The following HPS3 variants were observed in gnomAD, a reference collection of about 807,000 sequenced individuals.
HPS3 encodes the protein HPS3 biogenesis of lysosomal organelles complex 2 subunit 1, also known as BLOC-2 complex member HPS3.
HPS3 carries 79 observed loss-of-function variants against 110.9 expected under a neutral mutation model. The observed-to-expected ratio is 0.71, with a 90% confidence interval of 0.59 to 0.86. The LOEUF is 0.86. HPS3 is among the 40% of genes least tolerant of loss of function. HPS3 has a pLI of 0.00. For synonymous variants in HPS3, 428 were observed against 451.0 expected (o/e 0.95, Z 0.65); for missense variants, 1,197 against 1,206.2 (o/e 0.99, Z 0.11).
rs775608316 is a variant in HPS3, at chr3:149,141,123, A to G, written c.819A>G (p.Thr273=). ...GTGAACAGTCTGGATTATCTGTTACACTGGAGTCTACGGGATTAGCTGATG... is the reference window on the plus strand; with the variant it reads ...GTGAACAGTCTGGATTATCTGTTACGCTGGAGTCTACGGGATTAGCTGATG... The part of the protein sequence containing the change: ...EKSEQSGLSV[T]LESTGLADEK... The change falls in exon 3 of 17, where the codon ACA becomes ACG. Residue 273 remains threonine (T), a synonymous_variant. Transcript: ENST00000296051. 26 of 1,613,614 alleles carry G rather than the reference A, an allele frequency of 1.6e-5. No homozygotes were observed. The highest frequency in any genetic ancestry group is 1.1e-5 in the South Asian group (1 of 91,060).
Position 149,162,320 on chromosome 3 carries a change from A to G in HPS3, c.2279A>G (p.Asp760Gly), listed in dbSNP as rs201624572. 6.2e-7 allele frequency: 1 copy of G among 1,613,966 alleles called. No homozygotes were observed. Among genetic ancestry groups the G allele is most frequent in the Non-Finnish European group, 8.5e-7 (1 of 1,179,894 alleles). The change falls in exon 12 of 17, where the codon GAT (aspartate) becomes GGT (glycine). Residue 760 changes from aspartate to glycine, a missense_variant. Asp to Gly is a moderately conservative substitution (Grantham distance 94). Coordinates refer to ENST00000296051, the MANE Select transcript of HPS3 (RefSeq NM_032383.5). Reference protein sequence around the residue: ...KNNKIGIEEADSFFKVLCAKD... With the variant: ...KNNKIGIEEAGSFFKVLCAKD... ...AACAAAATTGGAATTGAAGAAGCAGATTCCTTTTTTAAGGTTTGTCACTTT... is the reference window on the plus strand; with the variant it reads ...AACAAAATTGGAATTGAAGAAGCAGGTTCCTTTTTTAAGGTTTGTCACTTT...
Position 149,150,686 on chromosome 3 carries a change from A to T in HPS3, c.1245+6A>T, listed in dbSNP as rs1320954791. 1 of 1,609,152 alleles carries T rather than the reference A, an allele frequency of 6.2e-7. No individual in the cohort carries two copies. The highest frequency in any genetic ancestry group is 1.7e-5 in the Admixed American group (1 of 60,000). On this transcript the variant is annotated splice_donor_region_variant and intron_variant, in intron 6 of 16. Coordinates refer to ENST00000296051, the MANE Select transcript of HPS3 (RefSeq NM_032383.5). The stretch of plus-strand genomic sequence containing the variant: ...ACATGGACACCACCCTGAAGGTAAG[A>T]ACTGGCTTATGAAGATAGTGAAACC...
Position 149,162,385 on chromosome 3 carries a change from G to T in HPS3, c.2292+52G>T, listed in dbSNP as rs1723950866. ...TCTGGATGGCCTCATTAAATTGGTG[G>T]TGGGGAGGGACAGAATAAGAGAAGT... On this transcript the variant is annotated intron_variant, in intron 12 of 16. Coordinates refer to ENST00000296051, the MANE Select transcript of HPS3 (RefSeq NM_032383.5). The T allele has an allele frequency of 3.3e-6, 5 of 1,498,046 alleles. No individual in the cohort carries two copies. The East Asian group carries it at 1.1e-4, about 34-fold the overall frequency. The allele number at this position is 1,498,046 out of a possible 1,614,324, so 92.8% of individuals were successfully genotyped here.
intron 16 of HPS3, among the ~76,000 whole-genome samples, chr3:149,171,138 C>T (rs1000478093): frequency 3.3e-5 from 5 of 152,120 alleles, no homozygotes; most frequent in South Asian, 2.1e-4. Flanking sequence ...ATTAGCTGGA[C>T]GTGGTGGTGC....
chr3:149,162,786 G>A lies in HPS3; in HGVS notation c.2389G>A (p.Glu797Lys). 4 of 1,614,006 alleles carry A rather than the reference G, an allele frequency of 2.5e-6. No individual in the cohort carries two copies. The highest frequency in any genetic ancestry group is 3.4e-6 in the Non-Finnish European group (4 of 1,179,950). ...VACLPDVVLQ[E>K]LFFKLTSQYI... ...ATGTCTCCCAGATGTGGTACTTCAG[G>A]AACTCTTTTTCAAACTCACATCACA... Residue 797 changes from glutamate (E) to lysine (K), a missense_variant, in exon 13 of 17, where the codon GAA becomes AAA. Glu to Lys is a moderately conservative substitution (Grantham distance 56). Coordinates refer to ENST00000296051, the MANE Select transcript of HPS3 (RefSeq NM_032383.5).
At chr3:149,156,816 G>A (rs951664128) in intron 8 of HPS3, among the ~76,000 whole-genome samples, 8 of 151,972 alleles carry the variant, frequency 5.3e-5, no homozygotes, top group South Asian at 2.1e-4. Context: ...GAAAGTCTTC[G>A]TTTAGGTGAT....
intron 1 of HPS3, among the ~76,000 whole-genome samples, chr3:149,137,064 C>T (rs1431060675): frequency 6.6e-6 from 1 of 152,010 alleles, no homozygotes; most frequent in Non-Finnish European, 1.5e-5. Context: ...ATTTCCGAAT[C>T]ATATATCTCA....
At chr3:149,132,488 C>T (rs1721837199) in intron 1 of HPS3, among the ~76,000 whole-genome samples, 2 of 152,234 alleles carry the variant, frequency 1.3e-5, no homozygotes, top group Admixed American at 6.5e-5. Context: ...TTTAAGCCCA[C>T]TGTTTTGATC....
chr3:149,135,922 G>A (rs1722065011), intron 1 of HPS3, among the ~76,000 whole-genome samples: 2 of 152,072 alleles, frequency 1.3e-5, no homozygotes, highest in South Asian at 4.1e-4. Context: ...AACATATTTA[G>A]ATGCCTTATA....
chr3:149,140,074 T>C lies in HPS3; in HGVS notation c.288T>C (p.Asn96=), dbSNP rs767078765. Residue 96 remains asparagine, a synonymous_variant, in exon 2 of 17, where the codon AAT becomes AAC. Transcript: ENST00000296051. ...TFLRAYVNWR[N]KRTENSRVCI... ...TACGTGCTTATGTGAACTGGAGAAA[T>C]AAAAGGACTGAAAACTCTCGTGTGT... The C allele has an allele frequency of 1.2e-5, 20 of 1,612,662 alleles. No individual in the cohort carries two copies. The highest frequency in any genetic ancestry group is 1.4e-5 in the Non-Finnish European group (17 of 1,179,604).
Position 149,129,908 on chromosome 3 carries a change from G to GC in HPS3, c.187dup (p.Arg63ProfsTer18). On this transcript the variant is annotated frameshift_variant, in exon 1 of 17. Coordinates refer to ENST00000296051, the MANE Select transcript of HPS3 (RefSeq NM_032383.5). LOFTEE classifies it high-confidence loss of function. The stretch of plus-strand genomic sequence containing the variant: ...CCGCGGTGCGCCTTCTCCACGCTGG[G>GC]CCGGGTGTTGCGCCTGGCCTACAGC... 6.4e-7 allele frequency: 1 copy of GC among 1,568,112 alleles called. No individual in the cohort carries two copies. Among genetic ancestry groups the GC allele is most frequent in the Non-Finnish European group, 8.6e-7 (1 of 1,163,638 alleles).
Position 149,158,803 on chromosome 3 carries a change from T to C in HPS3, c.1829T>C (p.Ile610Thr), listed in dbSNP as rs751644652. ...QKYERGLIFYINHSLYENLDE... is the reference protein window; with the variant it reads ...QKYERGLIFYTNHSLYENLDE... Reference sequence around the variant, plus strand: ...TACGAGAGAGGATTAATCTTTTACATTAATCATTCACTTTATGAAAACCTG... The same window carrying C: ...TACGAGAGAGGATTAATCTTTTACACTAATCATTCACTTTATGAAAACCTG... Residue 610 changes from isoleucine to threonine, a missense_variant, in exon 10 of 17, where the codon ATT becomes ACT. Coordinates refer to ENST00000296051, the MANE Select transcript of HPS3 (RefSeq NM_032383.5). 1 of 1,607,224 alleles carries C rather than the reference T, an allele frequency of 6.2e-7. No individual in the cohort carries two copies. Among genetic ancestry groups the C allele is most frequent in the Non-Finnish European group, 8.5e-7 (1 of 1,173,804 alleles).
At position 149,162,317 on chromosome 3, in the gene HPS3, C is replaced by T. The variant is rs1379332815; in HGVS notation, c.2276C>T (p.Ala759Val). 1 of 1,613,894 alleles carries T rather than the reference C, an allele frequency of 6.2e-7. No homozygotes were observed. Among genetic ancestry groups the T allele is most frequent in the Non-Finnish European group, 8.5e-7 (1 of 1,179,854 alleles). Residue 759 changes from alanine (A) to valine (V), a missense_variant, in exon 12 of 17, where the codon GCA (alanine) becomes GTA (valine). Transcript: ENST00000296051. ...AACAACAAAATTGGAATTGAAGAAG[C>T]AGATTCCTTTTTTAAGGTTTGTCAC... ...QKNNKIGIEE[A>V]DSFFKVLCAK...
chr3:149,133,283 T>TA (rs2108117796), intron 1 of HPS3, among the ~76,000 whole-genome samples: 1 of 152,118 alleles, frequency 6.6e-6, no homozygotes, highest in Non-Finnish European at 1.5e-5. Context: ...ATTGTTTTAT[T>TA]TTTTTATTTT....
intron 7 of HPS3, 88 bp downstream of exon 7, chr3:149,153,736 T>TTCCAAGTTATGATTTG: frequency 7.4e-7 from 1 of 1,345,254 alleles, no homozygotes; most frequent in Non-Finnish European, 1.1e-6. Context: ...TTTCAAATCA[T>TTCCAAGTTATGATTTG]AACTTGGAAT....
At chr3:149,161,891 A>G (rs1308177771) in intron 11 of HPS3, among the ~76,000 whole-genome samples, 1 of 152,202 alleles carries the variant, frequency 6.6e-6, no homozygotes, top group Non-Finnish European at 1.5e-5. Context: ...GCATTTTCAA[A>G]TCAAGTAGAC....
At chr3:149,131,135 A>C (rs78340283) in intron 1 of HPS3, among the ~76,000 whole-genome samples, 24,929 of 93,418 alleles carry the variant, frequency 0.27, 2,366 homozygotes, top group African/African-American at 0.31. Context: ...AAAAAAAAAA[A>C]AAAAACAAAA....
rs368655158 is a variant in HPS3, at chr3:149,172,002, G to T, written c.2888-93G>T. ...TTACAGGCGTGAGCCACCACGCCTG[G>T]CCTGAACTGGCTTCTAATTGGTTGG... is the stretch of plus-strand genomic sequence containing the variant. On this transcript the variant is annotated intron_variant, in intron 16 of 16. Coordinates refer to ENST00000296051, the MANE Select transcript of HPS3 (RefSeq NM_032383.5). The T allele has an allele frequency of 2.6e-5, 34 of 1,300,194 alleles. 1 individual carries two copies. In the African/African-American group the frequency reaches 4.5e-4, roughly 17 times the overall value. The allele number at this position is 1,300,194 out of a possible 1,614,324, so 80.5% of individuals were successfully genotyped here.
chr3:149,153,377 G>A, intron 6 of HPS3, 117 bp from the exon 7 acceptor site: 1 of 848,466 alleles, frequency 1.2e-6, no homozygotes, highest in Admixed American at 2.1e-5. Context: ...TTTTGGTGGT[G>A]GTGGGTATGG....
Sources: allele counts gnomAD v4.1 joint callset (sites outside exome capture counted in the v4.1 genomes callset), GRCh38; gene constraint gnomAD v4.1.1; transcripts MANE v1.5; gene names NCBI Gene and HGNC (gene_info 2026-07-23, HGNC 2026-07-21).